The following KAZN variants were observed in gnomAD, a reference collection of about 807,000 sequenced individuals.
The protein encoded by KAZN is kazrin.
In KAZN, 40 loss-of-function variants were observed where a neutral mutation model predicts 87.4. The ratio of observed to expected loss-of-function variants is 0.46; its 90% CI spans 0.36 to 0.60. KAZN has a LOEUF of 0.60. KAZN is among the 20% of genes least tolerant of loss of function. The pLI, the probability that KAZN is intolerant of heterozygous loss-of-function variation, is 0.00. For missense variants in KAZN, 898 were observed against 1,073.9 expected, an observed-to-expected ratio of 0.84 and a Z score of 2.29; for synonymous variants, 466 against 458.3, an observed-to-expected ratio of 1.02 and a Z score of -0.22.
chr1:14,201,459 C>A (rs1646637925), intron 2 of KAZN, among the ~76,000 whole-genome samples: 1 of 152,206 alleles, frequency 6.6e-6, no homozygotes, highest in Non-Finnish European at 1.5e-5. Context: ...CCCGGAGCAG[C>A]TGGTGGAGCC....
At chr1:14,214,288 C>G (rs1437740104) in intron 2 of KAZN, among the ~76,000 whole-genome samples, 2 of 152,048 alleles carry the variant, frequency 1.3e-5, no homozygotes. Flanking sequence ...CATGAATTTG[C>G]TTATCGGTTT....
chr1:14,670,343 C>T (rs1251551504), intron 1 of KAZN, among the ~76,000 whole-genome samples: 11 of 151,982 alleles, frequency 7.2e-5, no homozygotes, highest in South Asian at 2.1e-4. Flanking sequence ...CTGGAAGCCT[C>T]GTTGAAAACA....
chr1:14,224,519 C>T (rs1647196470), intron 2 of KAZN, among the ~76,000 whole-genome samples: 1 of 152,132 alleles, frequency 6.6e-6, no homozygotes, highest in South Asian at 2.1e-4. Context: ...GAGAAAACTT[C>T]AGTTTTGCTT....
chr1:15,051,648 G>A (rs1557758821), intron 4 of KAZN, among the ~76,000 whole-genome samples: 1 of 152,226 alleles, frequency 6.6e-6, no homozygotes, highest in Admixed American at 6.5e-5. Context: ...GAGGAACGAA[G>A]GCACGGAGAG....
Position 14,162,746 on chromosome 1 carries a change from G to A in KAZN, c.92-17689G>A, listed in dbSNP as rs558282460. Among the ~76,000 whole-genome samples the A allele has an allele frequency of 1.6e-4, 24 of 151,906 alleles. No homozygotes were observed. In the South Asian group the frequency reaches 2.3e-3, roughly 14 times the overall value. On this transcript the variant is annotated intron_variant, in intron 1 of 16. Coordinates refer to the KAZN transcript ENST00000636203. ...TTTTTAGTAGAGACGTGGTTTCACC[G>A]TGTTAGCCAGGATGGTCTCATTCTC... is the stretch of plus-strand genomic sequence containing the variant.
chr1:14,655,433 C>T (rs1054462170), intron 1 of KAZN, among the ~76,000 whole-genome samples: 9 of 152,128 alleles, frequency 5.9e-5, no homozygotes, highest in African/African-American at 1.2e-4. Flanking sequence ...TCTTTCTTGT[C>T]CCTTTGATAA....
intron 1 of KAZN, among the ~76,000 whole-genome samples, chr1:13,931,430 T>C (rs1331326883): frequency 6.8e-6 from 1 of 147,372 alleles, no homozygotes; most frequent in Non-Finnish European, 1.5e-5. Context: ...GAACTGCCAA[T>C]GTTTTTCAGC....
intron 2 of KAZN, among the ~76,000 whole-genome samples, chr1:14,208,614 A>C (rs751071799): frequency 6.6e-6 from 1 of 152,216 alleles, no homozygotes; most frequent in Non-Finnish European, 1.5e-5. Flanking sequence ...GAAAAGAGTA[A>C]AGTGCCCTGA....
chr1:14,929,780 G>A, intron 1 of KAZN: 2 of 985,434 alleles, frequency 2.0e-6, no homozygotes, highest in Non-Finnish European at 2.4e-6. Flanking sequence ...TGTTGCGGGT[G>A]CCAGATGAGT....
chr1:14,397,359 T>C (rs766381422), intron 2 of KAZN, among the ~76,000 whole-genome samples: 1 of 152,210 alleles, frequency 6.6e-6, no homozygotes, highest in Non-Finnish European at 1.5e-5. Flanking sequence ...TCCTTCTCAT[T>C]GTGTCCTCAT....
chr1:14,032,431 C>T (rs1455036179), intron 1 of KAZN, among the ~76,000 whole-genome samples: 2 of 152,148 alleles, frequency 1.3e-5, no homozygotes, highest in African/African-American at 2.4e-5. Context: ...GGCCCCAGAG[C>T]CTGTGCCCTT....
intron 1 of KAZN, among the ~76,000 whole-genome samples, chr1:14,875,805 T>C (rs1004719774): frequency 1.3e-5 from 2 of 152,238 alleles, no homozygotes; most frequent in Admixed American, 1.3e-4. Flanking sequence ...CCACTGCCTG[T>C]TGCCTTCACT....
chr1:14,431,551 G>A (rs1204662904), intron 2 of KAZN, among the ~76,000 whole-genome samples: 1 of 152,190 alleles, frequency 6.6e-6, no homozygotes, highest in Non-Finnish European at 1.5e-5. Context: ...GTTGACATTT[G>A]AGTCGGTGGA....
intron 2 of KAZN, among the ~76,000 whole-genome samples, chr1:14,538,983 C>T (rs890540321): frequency 1.3e-5 from 2 of 152,110 alleles, no homozygotes; most frequent in Non-Finnish European, 2.9e-5. Flanking sequence ...AGGAGGTCCT[C>T]GGCACAGTTA....
chr1:14,334,095 T>C (rs1031649915), intron 2 of KAZN, among the ~76,000 whole-genome samples: 1 of 142,550 alleles, frequency 7.0e-6, no homozygotes, highest in African/African-American at 3.0e-5. Flanking sequence ...CCAGGCAAGG[T>C]TGGCTCATGC....
intron 2 of KAZN, among the ~76,000 whole-genome samples, chr1:14,396,032 G>C (rs1327618706): frequency 6.6e-6 from 1 of 151,896 alleles, no homozygotes; most frequent in Non-Finnish European, 1.5e-5. Flanking sequence ...GCCTGGCATA[G>C]TGGCGCGCCC....
At chr1:14,107,358 TG>T (rs1644399847) in intron 1 of KAZN, among the ~76,000 whole-genome samples, 1 of 146,978 alleles carries the variant, frequency 6.8e-6, no homozygotes. Context: ...TAGCCCAAGA[TG>T]GTTTTTTGTT....
intron 2 of KAZN, among the ~76,000 whole-genome samples, chr1:14,340,724 C>A (rs897044908): frequency 3.9e-5 from 6 of 152,102 alleles, no homozygotes; most frequent in African/African-American, 1.4e-4. Flanking sequence ...GCCAGTTTTG[C>A]CTTCATTTGC....
chr1:14,236,057 G>C (rs1023269991), intron 2 of KAZN, among the ~76,000 whole-genome samples: 1 of 152,124 alleles, frequency 6.6e-6, no homozygotes, highest in African/African-American at 2.4e-5. Context: ...AAACAACACA[G>C]CTCCTTCCCC....
Sources: gnomAD v4.1 joint callset for allele counts (sites outside exome capture counted in the v4.1 genomes callset) on GRCh38, gnomAD v4.1.1 for gene constraint, MANE v1.5 for transcripts, NCBI Gene and HGNC (gene_info 2026-07-23, HGNC 2026-07-21) for gene names.